The following FGF13 variants were observed in gnomAD, a reference collection of about 807,000 sequenced individuals.
FGF13 encodes the protein fibroblast growth factor 13, also known as fibroblast growth factor homologous factor 2.
A neutral mutation model predicts 19.5 loss-of-function variants in FGF13; 2 were observed. The ratio of observed to expected loss-of-function variants is 0.10; its 90% CI spans 0.04 to 0.32. FGF13 has a LOEUF of 0.32. Ranked by LOEUF, FGF13 falls within the 10% of genes least tolerant of loss-of-function variation. FGF13 has a pLI of 1.00. For synonymous variants in FGF13, 72 were observed against 76.9 expected (o/e 0.94, Z 0.33); for missense variants, 113 against 192.7 (o/e 0.59, Z 2.45).
At chrX:138,658,075 C>T (rs2089454527) in intron 3 of FGF13, among the ~76,000 whole-genome samples, 1 of 111,985 alleles carries the variant, frequency 8.9e-6, no homozygotes, top group Admixed American at 9.5e-5. Flanking sequence ...AATGGCAGAA[C>T]CTTACTGAAA....
chrX:138,900,887 C>A (rs1156743062), intron 1 of FGF13, among the ~76,000 whole-genome samples: 1 of 111,636 alleles, frequency 9.0e-6, no homozygotes, highest in Non-Finnish European at 1.9e-5. Context: ...TTTGCAATTC[C>A]TCTGCCCTTG....
chrX:139,073,269 T>A (rs995847956), intron 1 of FGF13, among the ~76,000 whole-genome samples: 4 of 109,954 alleles, frequency 3.6e-5, no homozygotes, highest in Non-Finnish European at 5.7e-5. Flanking sequence ...AAAGAGCATA[T>A]CTTTTGAAAT....
chrX:138,952,406 C>T (rs1360998505), intron 1 of FGF13, among the ~76,000 whole-genome samples: 2 of 111,913 alleles, frequency 1.8e-5, no homozygotes, highest in Non-Finnish European at 3.8e-5. Flanking sequence ...CCCTTCCTTA[C>T]ACCTTATACA....
In FGF13 at chrX:138,627,563, A is replaced by T. The variant is rs1289632325; in HGVS notation, c.*5287T>A. On this transcript the variant is annotated 3_prime_UTR_variant, in exon 5 of 5. Coordinates refer to ENST00000315930, the MANE Select transcript of FGF13 (RefSeq NM_004114.5). ...CTCCCAGAGGAAGACAGCAGCTCTG[A>T]GTTCTTTTGGAGGCCCATCTAGTGT... The T allele has an allele frequency of 2.0e-5, 2 of 101,021 alleles. No individual in the cohort carries two copies. The highest frequency in any genetic ancestry group is 7.4e-5 in the African/African-American group (2 of 26,942). The allele number at this position is 101,021 out of a possible 1,213,427, so 8.3% of individuals were successfully genotyped here. A position where few individuals can be genotyped will look rare whatever the true frequency, so the allele number is the denominator to read the frequency against.
In FGF13 at chrX:138,865,913, C is replaced by T. The variant is rs993380768; in HGVS notation, c.-112-1263G>A. Among the ~76,000 whole-genome samples the T allele has an allele frequency of 1.4e-3, 152 of 111,611 alleles. 3 individuals are homozygous for T. The Middle Eastern group carries it at 0.019, about 14-fold the overall frequency. On this transcript the variant is annotated intron_variant, in intron 1 of 2. Coordinates refer to the FGF13 transcript ENST00000421460. ...TCTTTCTACTCTCATCCCTCCTTAC[C>T]AGCTCCCCACCCTTAGGGTCTGTAC... is the stretch of plus-strand genomic sequence containing the variant.
At chrX:138,696,200 C>A (rs892663283) in intron 3 of FGF13, among the ~76,000 whole-genome samples, 12 of 112,109 alleles carry the variant, frequency 1.1e-4, no homozygotes, top group African/African-American at 3.9e-4. Context: ...ATGTAAGAGT[C>A]TTCTAAACTT....
chrX:138,881,651 T>C lies in FGF13; in HGVS notation c.-112-17001A>G, dbSNP rs763412589. Among the ~76,000 whole-genome samples the C allele has an allele frequency of 6.2e-5, 7 of 112,066 alleles. No homozygotes were observed. In the South Asian group the frequency reaches 2.6e-3, roughly 42 times the overall value. On this transcript the variant is annotated intron_variant, in intron 1 of 2. Coordinates refer to the FGF13 transcript ENST00000421460. ...TCAGTCTTGGCAGATTGTGTGTTTC[T>C]AAAAGTTTGAACATTTTGTCTAGGT...
intron 1 of FGF13, among the ~76,000 whole-genome samples, chrX:139,065,216 A>T (rs767019821): frequency 1.2e-4 from 13 of 111,306 alleles, no homozygotes; most frequent in Non-Finnish European, 2.3e-4. Context: ...AACTGTAAAG[A>T]TCATTGACAC....
chrX:138,639,171 T>A (rs2089220241), intron 3 of FGF13, among the ~76,000 whole-genome samples: 1 of 111,851 alleles, frequency 8.9e-6, no homozygotes, highest in Non-Finnish European at 1.9e-5. Flanking sequence ...TTCACCCCTA[T>A]GTCTCTGCAG....
Position 139,115,274 on chromosome X carries a change from T to G in FGF13, c.-113+88142A>C, listed in dbSNP as rs372066411. Among the ~76,000 whole-genome samples the G allele has an allele frequency of 7.1e-5, 8 of 112,363 alleles. No homozygotes were observed. In the East Asian group the frequency reaches 1.1e-3, roughly 16 times the overall value. On this transcript the variant is annotated intron_variant, in intron 1 of 2. Coordinates refer to the FGF13 transcript ENST00000421460. ...TGATTATCCAACATCCATATCTGCC[T>G]TCTTTCTTACTAACAAAGCTCCCAT...
intron 3 of FGF13, among the ~76,000 whole-genome samples, chrX:138,808,420 T>C (rs1389768410): frequency 9.0e-6 from 1 of 111,591 alleles, no homozygotes; most frequent in East Asian, 2.8e-4. Context: ...CATACCAGAA[T>C]CTCTGGGACA....
intron 1 of FGF13, among the ~76,000 whole-genome samples, chrX:138,983,414 T>TATATATATATA: frequency 2.5e-5 from 2 of 81,197 alleles, no homozygotes; most frequent in Admixed American, 1.4e-4. Flanking sequence ...TAAGTTGATC[T>TATATATATATA]TATATATATA....
intron 1 of FGF13, among the ~76,000 whole-genome samples, chrX:139,000,195 A>G (rs2124358971): frequency 8.9e-6 from 1 of 112,098 alleles, no homozygotes; most frequent in South Asian, 3.7e-4. Flanking sequence ...TCAAAATAAT[A>G]AGACCTATTT....
chrX:139,074,324 T>G (rs765465952), intron 1 of FGF13, among the ~76,000 whole-genome samples: 151 of 112,430 alleles, frequency 1.3e-3, no homozygotes, highest in African/African-American at 4.6e-3. Context: ...ACATAAAACT[T>G]TTTTTTGAAT....
At chrX:138,858,943 A>G (rs1344020718) in intron 2 of FGF13, among the ~76,000 whole-genome samples, 1 of 111,926 alleles carries the variant, frequency 8.9e-6, no homozygotes, top group African/African-American at 3.2e-5. Context: ...TGAGTTTAGA[A>G]CAAGTTCTTA....
At chrX:139,122,984 C>G (rs1274729721) in intron 1 of FGF13, among the ~76,000 whole-genome samples, 2 of 111,615 alleles carry the variant, frequency 1.8e-5, no homozygotes, top group African/African-American at 3.3e-5. Context: ...CCACTAGACA[C>G]CTGTAGCAAC....
At chrX:138,659,610 T>C (rs1280249048) in intron 3 of FGF13, among the ~76,000 whole-genome samples, 1 of 111,812 alleles carries the variant, frequency 8.9e-6, no homozygotes, top group Non-Finnish European at 1.9e-5. Context: ...CATGCACATG[T>C]ATGTTTACTG....
intron 1 of FGF13, among the ~76,000 whole-genome samples, chrX:139,091,349 A>T (rs1439039942): frequency 9.0e-6 from 1 of 110,801 alleles, no homozygotes; most frequent in Non-Finnish European, 1.9e-5. Context: ...GGGTGGGAGG[A>T]GGGAGAGGAT....
intron 3 of FGF13, among the ~76,000 whole-genome samples, chrX:138,840,779 A>C (rs746428418): frequency 1.8e-5 from 2 of 111,852 alleles, no homozygotes; most frequent in African/African-American, 6.5e-5. Flanking sequence ...GTGGTGGTCT[A>C]CCAACCAAGC....
Sources: allele counts gnomAD v4.1 joint callset (sites outside exome capture counted in the v4.1 genomes callset), GRCh38; gene constraint gnomAD v4.1.1; transcripts MANE v1.5; gene names NCBI Gene and HGNC (gene_info 2026-07-23, HGNC 2026-07-21).